Variants in NEDD9 observed in about 807,000 individuals in gnomAD.
NEDD9 encodes enhancer of filamentation 1.
Under a neutral mutation model 76.6 loss-of-function variants are expected in NEDD9, and 26 were observed. The observed-to-expected ratio is 0.34, with a 90% CI of 0.25 to 0.47. The LOEUF is 0.47. Among genes scored for constraint, NEDD9 ranks in the 20% least tolerant of loss-of-function variants. The pLI is 1.00. For missense variants in NEDD9, 937 were observed against 1,058.5 expected (o/e 0.89, Z 1.59); for synonymous variants, 392 against 414.2 (o/e 0.95, Z 0.65).
At chr6:11,273,597 C>G (rs1233689223) in intron 3 of NEDD9, among the ~76,000 whole-genome samples, 1 of 152,158 alleles carries the variant, frequency 6.6e-6, no homozygotes, top group Non-Finnish European at 1.5e-5. Context: ...CCTTTCCGGC[C>G]GGCAGATTCC....
intron 3 of NEDD9, 44 bp downstream of exon 3, chr6:11,193,547 C>T: frequency 6.9e-7 from 1 of 1,456,720 alleles, no homozygotes; most frequent in Non-Finnish European, 9.6e-7. Context: ...GGAATGCTAC[C>T]CTTAGAAGCG....
intron 1 of NEDD9, among the ~76,000 whole-genome samples, chr6:11,358,246 C>CAAAA (rs35011508): frequency 3.3e-5 from 2 of 61,262 alleles, no homozygotes; most frequent in Non-Finnish European, 2.8e-5. Context: ...AAGACTCCGT[C>CAAAA]AAAAAAAAAA....
Position 11,232,529 on chromosome 6 carries a change from G to T in NEDD9, c.-14C>A. On this transcript the variant is annotated 5_prime_UTR_variant, in exon 1 of 7. Transcript: ENST00000379446. ...CTTATACTTCATTTCGGCAGCGGTG[G>T]GTTGAGCCGTTTTCCTACACTAGTT... The T allele has an allele frequency of 6.2e-7, 1 of 1,614,208 alleles. No homozygotes were observed. Among genetic ancestry groups the T allele is most frequent in the South Asian group, 1.1e-5 (1 of 91,082 alleles).
Position 11,349,197 on chromosome 6 carries a change from G to A in NEDD9, c.-213-14636C>T, listed in dbSNP as rs1292724715. Among the ~76,000 whole-genome samples, 2 of 152,186 alleles carry A rather than the reference G, an allele frequency of 1.3e-5. 1 individual carries two copies. The highest frequency in any genetic ancestry group is 4.1e-4 in the South Asian group (2 of 4,826). On this transcript the variant is annotated intron_variant, in intron 1 of 3. Transcript: ENST00000397378. Reference sequence around the variant, plus strand: ...TTAATGCCACTAATCATTAGAGAAAGGCACATCAAAACTACAATGAGATAC... The same window carrying A: ...TTAATGCCACTAATCATTAGAGAAAAGCACATCAAAACTACAATGAGATAC...
At chr6:11,186,520 T>C (rs903338356) in intron 6 of NEDD9, among the ~76,000 whole-genome samples, 1 of 152,238 alleles carries the variant, frequency 6.6e-6, no homozygotes, top group African/African-American at 2.4e-5. Flanking sequence ...AGCTTCAGAC[T>C]CAGTTAATCT....
intron 1 of NEDD9, among the ~76,000 whole-genome samples, chr6:11,380,734 A>C (rs1191070356): frequency 2.0e-5 from 3 of 152,204 alleles, no homozygotes; most frequent in Non-Finnish European, 4.4e-5. Flanking sequence ...ACCGGGAATT[A>C]CATCATGTGA....
chr6:11,293,749 T>C (rs1213921304), intron 3 of NEDD9, among the ~76,000 whole-genome samples: 4 of 152,240 alleles, frequency 2.6e-5, no homozygotes, highest in Non-Finnish European at 5.9e-5. Context: ...TTGTTCATCT[T>C]GTAACTGAAA....
rs1006359726 is a variant in NEDD9, at chr6:11,185,325, T to C, written c.2342A>G (p.Asn781Ser). 1.2e-6 allele frequency: 2 copies of C among 1,614,056 alleles called. No individual in the cohort carries two copies. Among genetic ancestry groups the C allele is most frequent in the Non-Finnish European group, 1.7e-6 (2 of 1,180,040 alleles). The part of the protein sequence containing the change: ...DIRNKVMNSS[N>S]QLCEQLKTIV... Reference sequence around the variant, plus strand: ...GGTCTTGAGCTGCTCGCAGAGCTGGTTGCTGGAGTTCATGACTTTGTTGCG... The same window carrying C: ...GGTCTTGAGCTGCTCGCAGAGCTGGCTGCTGGAGTTCATGACTTTGTTGCG... Residue 781 changes from asparagine (N) to serine (S), a missense_variant, in exon 7 of 7, where the codon AAC becomes AGC. By Grantham distance (46) the Asn-to-Ser change is conservative. Transcript: ENST00000379446.
chr6:11,264,057 A>G (rs1342880232), intron 3 of NEDD9, among the ~76,000 whole-genome samples: 1 of 152,202 alleles, frequency 6.6e-6, no homozygotes, highest in Non-Finnish European at 1.5e-5. Context: ...CCTTCATGGA[A>G]GAAGGGAAAC....
At chr6:11,342,146 C>T (rs906485563) in intron 1 of NEDD9, among the ~76,000 whole-genome samples, 1 of 151,084 alleles carries the variant, frequency 6.6e-6, no homozygotes, top group Non-Finnish European at 1.5e-5. Context: ...ATCTGAAGAA[C>T]AGAAATAAAA....
At chr6:11,195,450 A>G (rs1329954048) in intron 2 of NEDD9, among the ~76,000 whole-genome samples, 1 of 133,804 alleles carries the variant, frequency 7.5e-6, no homozygotes, top group Non-Finnish European at 1.6e-5. Flanking sequence ...TAATGCCCTT[A>G]TATGATTGTT....
At chr6:11,335,610 G>T (rs1046702174) in intron 1 of NEDD9, among the ~76,000 whole-genome samples, 2 of 152,184 alleles carry the variant, frequency 1.3e-5, no homozygotes, top group African/African-American at 4.8e-5. Context: ...ACTTCTTCAA[G>T]CATCTCAACA....
intron 1 of NEDD9, among the ~76,000 whole-genome samples, chr6:11,364,004 C>T (rs1471483108): frequency 2.6e-5 from 4 of 152,168 alleles, no homozygotes; most frequent in Non-Finnish European, 1.5e-5. Flanking sequence ...TGGCCCTTGG[C>T]TGGCATCTGG....
intron 3 of NEDD9, among the ~76,000 whole-genome samples, chr6:11,269,983 C>T (rs967859605): frequency 6.6e-6 from 1 of 152,100 alleles, no homozygotes; most frequent in Non-Finnish European, 1.5e-5. Context: ...AAAAATTAGC[C>T]GGGTGTGGTG....
intron 2 of NEDD9, among the ~76,000 whole-genome samples, chr6:11,321,279 A>G (rs1761794874): frequency 6.6e-6 from 1 of 152,116 alleles, no homozygotes; most frequent in South Asian, 2.1e-4. Context: ...AGCTTAACAA[A>G]TAAAAGCGAA....
At chr6:11,332,955 T>G (rs777764074) in intron 2 of NEDD9, among the ~76,000 whole-genome samples, 2 of 151,558 alleles carry the variant, frequency 1.3e-5, no homozygotes, top group Non-Finnish European at 2.9e-5. Context: ...CATAGATATA[T>G]GAGGAGTCCC....
intron 2 of NEDD9, among the ~76,000 whole-genome samples, chr6:11,331,416 A>C (rs1339440670): frequency 2.0e-5 from 3 of 152,122 alleles, no homozygotes; most frequent in Non-Finnish European, 4.4e-5. Flanking sequence ...AGATAAATTT[A>C]AAACAGTAAA....
rs1354546963 is a variant in NEDD9, at chr6:11,370,649, T to C, written c.-214+11490A>G. 1.3e-5 allele frequency among the ~76,000 whole-genome samples: 2 copies of C among 152,230 alleles called. No homozygotes were observed. The highest frequency in any genetic ancestry group is 4.8e-5 in the African/African-American group (2 of 41,464). On this transcript the variant is annotated intron_variant, in intron 1 of 3. Transcript: ENST00000397378. The surrounding 1 kb of genome is among the most constrained non-coding windows in gnomAD (Gnocchi z 4.2). Reference sequence around the variant, plus strand: ...CCTGCTTACAGAGAGCTTCTTTCCCTGCCTGGTAGCACCCGTCCCTCACGC... The same window carrying C: ...CCTGCTTACAGAGAGCTTCTTTCCCCGCCTGGTAGCACCCGTCCCTCACGC...
intron 3 of NEDD9, among the ~76,000 whole-genome samples, chr6:11,267,459 T>A (rs1760221672): frequency 6.6e-6 from 1 of 152,126 alleles, no homozygotes; most frequent in South Asian, 2.1e-4. Context: ...TGCCTTAAGA[T>A]TTGTACTTAG....
Sources: gnomAD v4.1 joint callset for allele counts (sites outside exome capture counted in the v4.1 genomes callset) on GRCh38, gnomAD v4.1.1 for gene constraint, Gnocchi (gnomAD v3.1) non-coding constraint, MANE v1.5 for transcripts, NCBI Gene and HGNC (gene_info 2026-07-23, HGNC 2026-07-21) for gene names.